HHAT: variants seen among roughly 807,000 people sequenced by gnomAD.
The protein encoded by HHAT is protein-cysteine N-palmitoyltransferase HHAT.
HHAT carries 47 observed loss-of-function variants against 70.8 expected under a neutral mutation model. The observed-to-expected ratio is 0.66, with a 90% CI of 0.53 to 0.85. The LOEUF is 0.85. Among genes scored for constraint, HHAT ranks in the 40% least tolerant of loss-of-function variants. The pLI, the probability that HHAT is intolerant of heterozygous loss-of-function variation, is 0.00. For synonymous variants in HHAT, 228 were observed against 247.6 expected (o/e 0.92, Z 0.74); for missense variants, 609 against 604.8 (o/e 1.01, Z -0.07).
intron 8 of HHAT, among the ~76,000 whole-genome samples, chr1:210,472,460 G>T (rs1385795295): frequency 6.6e-6 from 1 of 152,142 alleles, no homozygotes; most frequent in African/African-American, 2.4e-5. Context: ...TAGTGAAATG[G>T]AACTGAAGCA....
intron 11 of HHAT, among the ~76,000 whole-genome samples, chr1:210,659,633 C>T (rs1005907959): frequency 6.6e-6 from 1 of 152,154 alleles, no homozygotes; most frequent in African/African-American, 2.4e-5. Flanking sequence ...AATTTTAGAC[C>T]AATATCCCTG....
intron 3 of HHAT, chr1:210,374,220 C>G (rs533928477): frequency 1.3e-5 from 2 of 152,114 alleles, no homozygotes; most frequent in East Asian, 1.9e-4. Flanking sequence ...CCACGGAAAT[C>G]TTTAGTAAAA....
At chr1:210,596,789 A>G (rs1396572882) in intron 10 of HHAT, among the ~76,000 whole-genome samples, 1 of 152,068 alleles carries the variant, frequency 6.6e-6, no homozygotes, top group Non-Finnish European at 1.5e-5. Context: ...GAAAGGTCAC[A>G]TATCTTTGTG....
chr1:210,355,336 C>A (rs901355796), intron 2 of HHAT, among the ~76,000 whole-genome samples: 6 of 152,134 alleles, frequency 3.9e-5, no homozygotes, highest in Non-Finnish European at 8.8e-5. Flanking sequence ...TGTTTTAATT[C>A]TGACTTTAAT....
intron 6 of HHAT, among the ~76,000 whole-genome samples, chr1:210,410,229 AT>A (rs200678746): frequency 6.7e-6 from 1 of 149,054 alleles, no homozygotes; most frequent in South Asian, 2.1e-4. Context: ...ATTTTTTTGT[AT>A]TTTTTTTAGT....
At chr1:210,449,980 G>A (rs1044752886) in intron 7 of HHAT, among the ~76,000 whole-genome samples, 8 of 152,112 alleles carry the variant, frequency 5.3e-5, no homozygotes, top group African/African-American at 1.9e-4. Context: ...CAAAGTTAGC[G>A]ATACGTATTT....
At chr1:210,655,444 C>G (rs1269589561) in intron 11 of HHAT, among the ~76,000 whole-genome samples, 2 of 152,178 alleles carry the variant, frequency 1.3e-5, no homozygotes, top group African/African-American at 4.8e-5. Flanking sequence ...GAAATTCTTC[C>G]CTGTGAGCTC....
At chr1:210,357,560 G>A (rs532634488) in intron 2 of HHAT, among the ~76,000 whole-genome samples, 2 of 152,164 alleles carry the variant, frequency 1.3e-5, no homozygotes, top group South Asian at 2.1e-4. Context: ...GGTGGCTCAC[G>A]CCTATAATCC....
chr1:210,404,700 G>C, intron 6 of HHAT, 21 bp downstream of exon 6: 1 of 1,590,312 alleles, frequency 6.3e-7, no homozygotes, highest in Non-Finnish European at 8.6e-7. Flanking sequence ...CTGGGGATGG[G>C]ATTGGGATTC....
chr1:210,597,759 A>T (rs991851689), intron 10 of HHAT, among the ~76,000 whole-genome samples: 5 of 152,106 alleles, frequency 3.3e-5, no homozygotes, highest in African/African-American at 1.2e-4. Context: ...AGACAGGTAC[A>T]GAAATGTCTG....
At chr1:210,652,200 G>A (rs547771803) in intron 11 of HHAT, among the ~76,000 whole-genome samples, 1 of 152,270 alleles carries the variant, frequency 6.6e-6, no homozygotes, top group African/African-American at 2.4e-5. Context: ...AGAACAGGGA[G>A]TAGAGATAGG....
chr1:210,409,570 C>G (rs1377567524), intron 6 of HHAT, among the ~76,000 whole-genome samples: 1 of 152,100 alleles, frequency 6.6e-6, no homozygotes, highest in Admixed American at 6.5e-5. Context: ...ACAACAACTG[C>G]CACAAGGCCT....
chr1:210,355,193 T>C (rs2087484878), intron 2 of HHAT, among the ~76,000 whole-genome samples: 1 of 152,228 alleles, frequency 6.6e-6, no homozygotes, highest in Non-Finnish European at 1.5e-5. Flanking sequence ...TGAATTCTCT[T>C]ATGTTCCATT....
intron 1 of HHAT, among the ~76,000 whole-genome samples, chr1:210,331,527 C>A (rs1017607503): frequency 6.6e-6 from 1 of 152,124 alleles, no homozygotes; most frequent in Admixed American, 6.5e-5. Context: ...CTAGCATGGA[C>A]AAAGTCAATT....
chr1:210,617,530 A>C (rs1453967451), intron 10 of HHAT, among the ~76,000 whole-genome samples: 2 of 152,158 alleles, frequency 1.3e-5, no homozygotes, highest in African/African-American at 4.8e-5. Flanking sequence ...ACTATTGCTC[A>C]ATCTGGAACT....
At chr1:210,597,181 C>T (rs1192777026) in intron 10 of HHAT, among the ~76,000 whole-genome samples, 2 of 152,186 alleles carry the variant, frequency 1.3e-5, no homozygotes, top group African/African-American at 2.4e-5. Context: ...TTCTCCCAGA[C>T]AAATGGAGTC....
chr1:210,575,391 C>T (rs1657462583), intron 9 of HHAT, among the ~76,000 whole-genome samples: 1 of 152,186 alleles, frequency 6.6e-6, no homozygotes, highest in African/African-American at 2.4e-5. Context: ...CAATTAGACT[C>T]AGCTCTGCAG....
intron 10 of HHAT, among the ~76,000 whole-genome samples, chr1:210,597,485 A>T (rs886624602): frequency 6.6e-6 from 1 of 151,918 alleles, no homozygotes; most frequent in Non-Finnish European, 1.5e-5. Flanking sequence ...GGAGTCAGAA[A>T]CCTTAGGAAT....
chr1:210,624,370 T>C (rs1357292028), intron 11 of HHAT, among the ~76,000 whole-genome samples: 1 of 152,218 alleles, frequency 6.6e-6, no homozygotes, highest in Non-Finnish European at 1.5e-5. Flanking sequence ...TATTCTGTTA[T>C]AATCAACAGA....
Sources: gnomAD v4.1 joint callset for allele counts (sites outside exome capture counted in the v4.1 genomes callset) on GRCh38, gnomAD v4.1.1 for gene constraint, MANE v1.5 for transcripts, NCBI Gene and HGNC (gene_info 2026-07-23, HGNC 2026-07-21) for gene names.